Variants in DHRS3 observed in about 807,000 individuals in gnomAD.
The protein encoded by DHRS3 is dehydrogenase/reductase 3.
Under a neutral mutation model 27.2 loss-of-function variants are expected in DHRS3, and 14 were observed. The observed-to-expected ratio is 0.52, with a 90% CI of 0.34 to 0.81. The LOEUF is 0.81. Among genes scored for constraint, DHRS3 ranks in the 30% least tolerant of loss-of-function variants. The pLI is 0.01. For synonymous variants in DHRS3, 165 were observed against 175.9 expected (o/e 0.94, Z 0.49); for missense variants, 322 against 406.2 (o/e 0.79, Z 1.78).
intron 1 of DHRS3, among the ~76,000 whole-genome samples, chr1:12,613,486 G>A (rs2100728921): frequency 6.6e-6 from 1 of 152,324 alleles, no homozygotes; most frequent in Non-Finnish European, 1.5e-5. Flanking sequence ...GGTTTGCTAA[G>A]CTAGGTCTCT....
At chr1:12,589,901 T>C (rs990265229) in intron 1 of DHRS3, among the ~76,000 whole-genome samples, 1 of 152,054 alleles carries the variant, frequency 6.6e-6, no homozygotes, top group Non-Finnish European at 1.5e-5. Flanking sequence ...CCCTTTGCAG[T>C]AGAAGATCCA....
chr1:12,595,322 C>A (rs1444170116), intron 1 of DHRS3, among the ~76,000 whole-genome samples: 1 of 151,782 alleles, frequency 6.6e-6, no homozygotes, highest in African/African-American at 2.4e-5. Flanking sequence ...GAGGGGGTGG[C>A]AGGAGGAGCC....
chr1:12,576,042 G>A (rs1377837076), intron 4 of DHRS3, among the ~76,000 whole-genome samples: 1 of 152,086 alleles, frequency 6.6e-6, no homozygotes, highest in African/African-American at 2.4e-5. Context: ...TTTTAGAGGT[G>A]AGGAAACTGA....
At chr1:12,610,251 T>A (rs1186559406) in intron 1 of DHRS3, among the ~76,000 whole-genome samples, 2 of 151,744 alleles carry the variant, frequency 1.3e-5, no homozygotes, top group Non-Finnish European at 2.9e-5. Context: ...GCAATTTTTT[T>A]TTTTTTTTTG....
In DHRS3 at chr1:12,617,135, G is replaced by T; in HGVS notation, c.195+19C>A. 1 of 1,604,392 alleles carries T rather than the reference G, an allele frequency of 6.2e-7. No homozygotes were observed. Among genetic ancestry groups the T allele is most frequent in the Non-Finnish European group, 8.5e-7 (1 of 1,176,510 alleles). On this transcript the variant is annotated intron_variant, in intron 1 of 5. Coordinates refer to ENST00000616661, the MANE Select transcript of DHRS3 (RefSeq NM_004753.7). ...CGCCCCTGCGGCCCCCCACTCCCTG[G>T]AGTCGCAGTGCCTGGTACCTTTCTG...
At position 12,608,036 on chromosome 1, in the gene DHRS3, C is replaced by A. The variant is rs1218762650; in HGVS notation, c.195+9118G>T. Among the ~76,000 whole-genome samples, 1 of 152,034 alleles carries A rather than the reference C, an allele frequency of 6.6e-6. No individual in the cohort carries two copies. Among genetic ancestry groups the A allele is most frequent in the Non-Finnish European group, 1.5e-5 (1 of 68,018 alleles). On this transcript the variant is annotated intron_variant, in intron 1 of 5. Coordinates refer to ENST00000616661, the MANE Select transcript of DHRS3 (RefSeq NM_004753.7). This position sits in a 1 kb window ranked among gnomAD's most constrained non-coding sequence, Gnocchi z 4.1. ...GGGATCCCAGGCATGCACCACCATGCCAGATAATTTTTGTATTTTTAGTAG... is the reference window on the plus strand; with the variant it reads ...GGGATCCCAGGCATGCACCACCATGACAGATAATTTTTGTATTTTTAGTAG...
At position 12,594,662 on chromosome 1, in the gene DHRS3, G is replaced by A. The variant is rs186089082; in HGVS notation, c.196-13996C>T. Among the ~76,000 whole-genome samples, 1 of 152,228 alleles carries A rather than the reference G, an allele frequency of 6.6e-6. No homozygotes were observed. The highest frequency in any genetic ancestry group is 1.5e-5 in the Non-Finnish European group (1 of 68,012). ...CGCGTGGAGGAAGAGCATCCCTGGTGGAGGGAACAGTTGGTGCAAAGGCCC... is the reference window on the plus strand; with the variant it reads ...CGCGTGGAGGAAGAGCATCCCTGGTAGAGGGAACAGTTGGTGCAAAGGCCC... On this transcript the variant is annotated intron_variant, in intron 1 of 5. Coordinates refer to ENST00000616661, the MANE Select transcript of DHRS3 (RefSeq NM_004753.7). This position sits in a 1 kb window ranked among gnomAD's most constrained non-coding sequence, Gnocchi z 4.1.
intron 3 of DHRS3, 74 bp from the exon 4 acceptor site, chr1:12,579,030 C>G (rs1213561583): frequency 2.1e-6 from 3 of 1,400,560 alleles, no homozygotes; most frequent in African/African-American, 1.4e-5. Context: ...TCGGGGAGAA[C>G]AGCCCACCCC....
chr1:12,581,756 G>A (rs1646645973), intron 1 of DHRS3, among the ~76,000 whole-genome samples: 1 of 152,170 alleles, frequency 6.6e-6, no homozygotes, highest in Non-Finnish European at 1.5e-5. Context: ...ATGACAGGGG[G>A]ACCAAGAGCC....
chr1:12,572,609 T>C, intron 5 of DHRS3, 119 bp downstream of exon 5: 3 of 1,473,882 alleles, frequency 2.0e-6, no homozygotes, highest in Non-Finnish European at 2.8e-6. Flanking sequence ...CCACAGTAAG[T>C]ACAGTACATC....
intron 2 of DHRS3, 21 bp from the exon 3 acceptor site, chr1:12,579,433 C>G (rs376899024): frequency 6.2e-7 from 1 of 1,612,472 alleles, no homozygotes; most frequent in Non-Finnish European, 8.5e-7. Context: ...GAGGGAGCCA[C>G]GGGGCCATGA....
intron 1 of DHRS3, among the ~76,000 whole-genome samples, chr1:12,605,830 G>C (rs1353179063): frequency 6.6e-6 from 1 of 152,030 alleles, no homozygotes; most frequent in African/African-American, 2.4e-5. Flanking sequence ...AAAGTTTATG[G>C]GGACAATGCC....
intron 1 of DHRS3, among the ~76,000 whole-genome samples, chr1:12,606,487 TTTTA>T (rs1028994016): frequency 6.6e-6 from 1 of 151,968 alleles, no homozygotes; most frequent in African/African-American, 2.4e-5. Flanking sequence ...TTTTATTTTA[TTTTA>T]TTTATTTATT....
chr1:12,611,426 G>A (rs952604414), intron 1 of DHRS3, among the ~76,000 whole-genome samples: 1 of 152,204 alleles, frequency 6.6e-6, no homozygotes, highest in South Asian at 2.1e-4. Flanking sequence ...AAATACTAAC[G>A]TCTTCTGCAA....
rs74055574 is a variant in DHRS3, at chr1:12,591,280, T to G, written c.196-10614A>C. On this transcript the variant is annotated intron_variant, in intron 1 of 5. Transcript: ENST00000616661. This position sits in a 1 kb window ranked among gnomAD's most constrained non-coding sequence, Gnocchi z 4.1. ...GTCAGGGACTTCGGCTAGGTCCTTATGTGTCCTTCCTGTTCCTGCACTGCT... is the reference window on the plus strand; with the variant it reads ...GTCAGGGACTTCGGCTAGGTCCTTAGGTGTCCTTCCTGTTCCTGCACTGCT... Among the ~76,000 whole-genome samples, 1,019 of 152,340 alleles carry G rather than the reference T, an allele frequency of 6.7e-3. 8 individuals carry two copies. Among genetic ancestry groups the G allele is most frequent in the African/African-American group, 0.024 (985 of 41,576 alleles).
chr1:12,611,845 A>C (rs5022241), intron 1 of DHRS3, among the ~76,000 whole-genome samples: 26,389 of 151,752 alleles, frequency 0.17, 2,639 homozygotes, highest in East Asian at 0.37. Context: ...TAATCCCAGC[A>C]CTTTGGAAGG....
chr1:12,568,536 G>T, intron 5 of DHRS3, 112 bp from the exon 6 acceptor site: 1 of 971,480 alleles, frequency 1.0e-6, no homozygotes, highest in Non-Finnish European at 1.6e-6. Context: ...TCCTGAAAGT[G>T]CTCCCCACAC....
rs58614555 is a variant in DHRS3 at position 12,617,520 on chromosome 1, GAAAA to G, written c.-176_-173del. ...AATGCAAAGCACCGGGTGAGAAAAA[GAAAA>G]AAAAAAAAAAAAAAAAGATAAATTC... On this transcript the variant is annotated 5_prime_UTR_variant, in exon 1 of 6. Transcript: ENST00000616661. 1.4e-4 allele frequency: 18 copies of G among 131,838 alleles called. No individual in the cohort carries two copies. The highest frequency in any genetic ancestry group is 5.6e-4 in the East Asian group (4 of 7,168). 8.2% of individuals were successfully genotyped at this position (131,838 alleles called of 1,614,324 possible). A position where few individuals can be genotyped will look rare whatever the true frequency, so the allele number is the denominator to read the frequency against.
rs561854311 is a variant in DHRS3, at chr1:12,586,235, G to A, written c.196-5569C>T. 2.6e-5 allele frequency among the ~76,000 whole-genome samples: 4 copies of A among 152,302 alleles called. No homozygotes were observed. The highest frequency in any genetic ancestry group is 7.2e-5 in the African/African-American group (3 of 41,564). On this transcript the variant is annotated intron_variant, in intron 1 of 5. Transcript: ENST00000616661. The surrounding 1 kb of genome is among the most constrained non-coding windows in gnomAD (Gnocchi z 5.0). ...ATCCGTGGTCACAGTGGAGAAAACC[G>A]TAGCTCAAAGGAGTTAAGTAACTCA...
Sources: allele counts gnomAD v4.1 joint callset (sites outside exome capture counted in the v4.1 genomes callset), GRCh38; gene constraint gnomAD v4.1.1; non-coding constraint Gnocchi (gnomAD v3.1); transcripts MANE v1.5; gene names NCBI Gene and HGNC (gene_info 2026-07-23, HGNC 2026-07-21).